Variants in PIEZO2 observed in about 807,000 individuals in gnomAD.
PIEZO2 encodes the protein piezo type mechanosensitive ion channel component 2, also known as piezo-type mechanosensitive ion channel component 2.
PIEZO2 carries 172 observed loss-of-function variants against 337.3 expected under a neutral mutation model. That is an observed-to-expected ratio of 0.51 (90% CI 0.45 to 0.58). The LOEUF is 0.58. Ranked by LOEUF, PIEZO2 falls within the 20% of genes least tolerant of loss-of-function variation. The probability of loss-of-function intolerance (pLI) is 0.00; values close to 1 mark genes in which losing one functional copy is unlikely to be tolerated. For missense variants in PIEZO2, 3,028 were observed against 3,391.3 expected (o/e 0.89, Z 2.66); for synonymous variants, 1,251 against 1,228.5 (o/e 1.02, Z -0.38).
At chr18:11,106,509 G>A (rs2039572495) in intron 1 of PIEZO2, among the ~76,000 whole-genome samples, 1 of 150,854 alleles carries the variant, frequency 6.6e-6, no homozygotes, top group Admixed American at 6.6e-5. Context: ...CTGGGCTCGG[G>A]TGATCCTCCC....
Position 10,759,932 on chromosome 18 carries a change from A to C in PIEZO2, c.3451-23T>G. On this transcript the variant is annotated intron_variant, in intron 24 of 55. Coordinates refer to ENST00000674853, the MANE Select transcript of PIEZO2 (RefSeq NM_001378183.1). The surrounding 1 kb of genome is among the most constrained non-coding windows in gnomAD (Gnocchi z 5.5). ...GGTCTGTGTAAAGATGAAAAGAGGC[A>C]AAAAAAAAAAATCAGGCATATGGGA... 1 of 1,372,576 alleles carries C rather than the reference A, an allele frequency of 7.3e-7. No homozygotes were observed. The highest frequency in any genetic ancestry group is 9.8e-7 in the Non-Finnish European group (1 of 1,021,612). The allele number at this position is 1,372,576 out of a possible 1,614,324, so 85.0% of individuals were successfully genotyped here.
In PIEZO2 at chr18:11,070,904, C is replaced by A. The variant is rs979854623; in HGVS notation, c.65-4682G>T. 6.6e-6 allele frequency among the ~76,000 whole-genome samples: 1 copy of A among 151,986 alleles called. No individual in the cohort carries two copies. Among genetic ancestry groups the A allele is most frequent in the Non-Finnish European group, 1.5e-5 (1 of 68,010 alleles). On this transcript the variant is annotated intron_variant, in intron 1 of 55. Transcript: ENST00000674853. The surrounding 1 kb of genome is among the most constrained non-coding windows in gnomAD (Gnocchi z 4.3). ...AGGATGCGAGTGGCGGGTACCCAGA[C>A]AGGAAGACCAGATCAAGAAGCACTA...
At chr18:10,688,360 T>C (rs2034648789) in intron 49 of PIEZO2, among the ~76,000 whole-genome samples, 1 of 152,230 alleles carries the variant, frequency 6.6e-6, no homozygotes, top group Non-Finnish European at 1.5e-5. Context: ...GGCTGCATAG[T>C]ATTCCATGGT....
At chr18:10,733,177 C>T (rs2036854689) in intron 35 of PIEZO2, among the ~76,000 whole-genome samples, 1 of 152,054 alleles carries the variant, frequency 6.6e-6, no homozygotes, top group African/African-American at 2.4e-5. Context: ...CCTGGCTCAA[C>T]AAAGGACCCC....
intron 3 of PIEZO2, among the ~76,000 whole-genome samples, chr18:10,971,402 A>G (rs2034232473): frequency 6.6e-6 from 1 of 152,144 alleles, no homozygotes; most frequent in South Asian, 2.1e-4. Context: ...CTCAGGCTTT[A>G]AAAATACAGA....
intron 7 of PIEZO2, among the ~76,000 whole-genome samples, chr18:10,825,128 T>C (rs1321047483): frequency 6.6e-6 from 1 of 152,164 alleles, no homozygotes; most frequent in Non-Finnish European, 1.5e-5. Context: ...CCTCCCAAAG[T>C]GCTGGGATTA....
intron 2 of PIEZO2, among the ~76,000 whole-genome samples, chr18:11,042,345 C>T (rs1195772704): frequency 6.6e-6 from 1 of 152,204 alleles, no homozygotes; most frequent in East Asian, 1.9e-4. Context: ...ACCCCACCCA[C>T]GCAGGCCTGC....
In PIEZO2 at chr18:10,749,975, G is replaced by C. The variant is rs151089084; in HGVS notation, c.4264+116C>G. The C allele has an allele frequency of 1.1e-3, 825 of 727,612 alleles. 11 individuals are homozygous for C. In the African/African-American group the frequency reaches 0.013, roughly 11 times the overall value. The allele number at this position is 727,612 out of a possible 1,614,324, so 45.1% of individuals were successfully genotyped here. ...TACAGTTCTACAGCCTCCATCTGGA[G>C]AAAACTGACCCCACTTTTATATCTT... is the stretch of plus-strand genomic sequence containing the variant. On this transcript the variant is annotated intron_variant, in intron 29 of 55. Transcript: ENST00000674853.
chr18:10,898,753 A>G (rs1033171543), intron 4 of PIEZO2, among the ~76,000 whole-genome samples: 5 of 152,202 alleles, frequency 3.3e-5, no homozygotes, highest in African/African-American at 1.2e-4. Flanking sequence ...TAAGTATAGC[A>G]GGAAGTCTGT....
intron 8 of PIEZO2, among the ~76,000 whole-genome samples, chr18:10,806,240 C>T (rs1417553388): frequency 6.6e-6 from 1 of 152,084 alleles, no homozygotes; most frequent in Admixed American, 6.6e-5. Context: ...GAGAACTGTC[C>T]CCAGCTGTAG....
At chr18:11,020,818 C>T (rs138244313) in intron 2 of PIEZO2, among the ~76,000 whole-genome samples, 1 of 152,176 alleles carries the variant, frequency 6.6e-6, no homozygotes, top group Non-Finnish European at 1.5e-5. Flanking sequence ...ACTTGACATT[C>T]GTTGTTTTAT....
At position 10,900,178 on chromosome 18, in the gene PIEZO2, TACACACAC is replaced by T. The variant is rs56708718; in HGVS notation, c.329+11000_329+11007del. ...AAAAATATAAATCACTTACTTTTGT[TACACACAC>T]ACACACACACACACACACACACACA... On this transcript the variant is annotated intron_variant, in intron 4 of 55. Transcript: ENST00000674853. 2.6e-3 allele frequency among the ~76,000 whole-genome samples: 380 copies of T among 148,504 alleles called. 1 individual carries two copies. Among genetic ancestry groups the T allele is most frequent in the African/African-American group, 7.0e-3 (281 of 40,352 alleles).
chr18:10,811,722 G>C (rs4349217), intron 7 of PIEZO2, among the ~76,000 whole-genome samples: 3 of 152,024 alleles, frequency 2.0e-5, no homozygotes, highest in African/African-American at 7.2e-5. Flanking sequence ...ACATAGCAGA[G>C]AGTTATTTTT....
chr18:10,877,904 C>T lies in PIEZO2; in HGVS notation c.330-6489G>A, dbSNP rs1188369778. ...CCCTCTACCTCAAATTCCGGCCATACTGAATGCACGTACCCAGAACGCGCC... is the reference window on the plus strand; with the variant it reads ...CCCTCTACCTCAAATTCCGGCCATATTGAATGCACGTACCCAGAACGCGCC... On this transcript the variant is annotated intron_variant, in intron 4 of 55. Coordinates refer to ENST00000674853, the MANE Select transcript of PIEZO2 (RefSeq NM_001378183.1). The surrounding 1 kb of genome is among the most constrained non-coding windows in gnomAD (Gnocchi z 5.3). Among the ~76,000 whole-genome samples, 1 of 152,132 alleles carries T rather than the reference C, an allele frequency of 6.6e-6. No homozygotes were observed. The highest frequency in any genetic ancestry group is 1.9e-4 in the East Asian group (1 of 5,198).
intron 4 of PIEZO2, among the ~76,000 whole-genome samples, chr18:10,893,306 C>A (rs2042807525): frequency 6.6e-6 from 1 of 152,210 alleles, no homozygotes; most frequent in Non-Finnish European, 1.5e-5. Flanking sequence ...GTGTGCATTT[C>A]TATCTTATTT....
Position 11,105,390 on chromosome 18 carries a change from T to A in PIEZO2, c.65-39168A>T, listed in dbSNP as rs2039531341. On this transcript the variant is annotated intron_variant, in intron 1 of 55. Coordinates refer to ENST00000674853, the MANE Select transcript of PIEZO2 (RefSeq NM_001378183.1). This position sits in a 1 kb window ranked among gnomAD's most constrained non-coding sequence, Gnocchi z 4.3. ...CGACAAGAATATGTTCCATTTGTAA[T>A]AAATCTATGGATATGTAATAGCTCA... Among the ~76,000 whole-genome samples the A allele has an allele frequency of 6.6e-6, 1 of 152,176 alleles. No individual in the cohort carries two copies. The highest frequency in any genetic ancestry group is 1.5e-5 in the Non-Finnish European group (1 of 68,048).
intron 15 of PIEZO2, 92 bp from the exon 16 acceptor site, chr18:10,787,276 G>T: frequency 8.4e-7 from 1 of 1,188,542 alleles, no homozygotes; most frequent in Non-Finnish European, 1.1e-6. Flanking sequence ...TAAGACAAGT[G>T]ATACATTTAC....
At chr18:11,022,212 C>T (rs1313546671) in intron 2 of PIEZO2, among the ~76,000 whole-genome samples, 2 of 152,148 alleles carry the variant, frequency 1.3e-5, no homozygotes, top group Admixed American at 6.5e-5. Flanking sequence ...AGTGTCACAG[C>T]CCCCCTAACT....
At chr18:10,800,037 C>G (rs2039754275) in intron 11 of PIEZO2, among the ~76,000 whole-genome samples, 1 of 151,320 alleles carries the variant, frequency 6.6e-6, no homozygotes, top group East Asian at 1.9e-4. Context: ...ACAATATCAA[C>G]TAAAAGAAAG....
Sources: allele counts gnomAD v4.1 joint callset (sites outside exome capture counted in the v4.1 genomes callset), GRCh38; gene constraint gnomAD v4.1.1; non-coding constraint Gnocchi (gnomAD v3.1); transcripts MANE v1.5; gene names NCBI Gene and HGNC (gene_info 2026-07-23, HGNC 2026-07-21).